Variants in FHIT observed in about 807,000 individuals in gnomAD.
FHIT encodes the protein bis(5'-adenosyl)-triphosphatase.
FHIT carries 19 observed loss-of-function variants against 17.9 expected under a neutral mutation model. The ratio of observed to expected loss-of-function variants is 1.06; its 90% CI spans 0.74 to 1.56. FHIT has a LOEUF of 1.56. FHIT is among the 40% of genes most tolerant of loss of function. The pLI, the probability that FHIT is intolerant of heterozygous loss-of-function variation, is 0.00. For synonymous variants in FHIT, 81 were observed against 69.7 expected (o/e 1.16, Z -0.81); for missense variants, 248 against 189.2 (o/e 1.31, Z -1.82).
chr3:61,251,025 G>A (rs2106971601), intron 1 of FHIT, among the ~76,000 whole-genome samples: 1 of 152,272 alleles, frequency 6.6e-6, no homozygotes, highest in South Asian at 2.1e-4. Context: ...TGGCGTCCCC[G>A]GACCCGCTGG....
chr3:60,225,229 C>T (rs143961332), intron 5 of FHIT, among the ~76,000 whole-genome samples: 1 of 152,156 alleles, frequency 6.6e-6, no homozygotes, highest in Non-Finnish European at 1.5e-5. Flanking sequence ...ATCTTTGTAT[C>T]CCTAGATACC....
At chr3:60,098,104 C>G (rs62240185) in intron 5 of FHIT, among the ~76,000 whole-genome samples, 90,757 of 142,902 alleles carry the variant, frequency 0.64, 29,671 homozygotes, top group East Asian at 0.98. Context: ...TTTTCTTAAT[C>G]CAGTCTATCC....
At chr3:61,239,366 G>A (rs2040311702) in intron 1 of FHIT, among the ~76,000 whole-genome samples, 1 of 152,034 alleles carries the variant, frequency 6.6e-6, no homozygotes, top group Admixed American at 6.6e-5. Flanking sequence ...CCCTTTGATG[G>A]TGTTAAGCTC....
rs1375888130 is a variant in FHIT at position 59,837,409 on chromosome 3, T to C, written c.348+84937A>G. 5.9e-5 allele frequency among the ~76,000 whole-genome samples: 9 copies of C among 152,316 alleles called. No individual in the cohort carries two copies. The South Asian group carries it at 1.0e-3, about 18-fold the overall frequency. On this transcript the variant is annotated intron_variant, in intron 8 of 9. Transcript: ENST00000492590. ...ATAAATGCTACGTAAATAGTTATAC[T>C]TTATTGTTTAGGGAATAATGACAAG...
chr3:60,112,860 T>C (rs1704738226), intron 5 of FHIT, among the ~76,000 whole-genome samples: 1 of 152,190 alleles, frequency 6.6e-6, no homozygotes, highest in Non-Finnish European at 1.5e-5. Flanking sequence ...ATCTCTTTCC[T>C]GGCTATGGCA....
chr3:59,820,589 G>A (rs188921263), intron 8 of FHIT, among the ~76,000 whole-genome samples: 18 of 152,198 alleles, frequency 1.2e-4, no homozygotes, highest in South Asian at 2.1e-4. Flanking sequence ...AGCAATGCTC[G>A]TTTGTTTATA....
At chr3:60,881,866 A>G (rs1423842151) in intron 3 of FHIT, among the ~76,000 whole-genome samples, 1 of 152,094 alleles carries the variant, frequency 6.6e-6, no homozygotes, top group African/African-American at 2.4e-5. Flanking sequence ...AGAACAAACC[A>G]AACCCAAAAT....
chr3:60,160,071 A>G (rs1018521336), intron 5 of FHIT, among the ~76,000 whole-genome samples: 7 of 152,138 alleles, frequency 4.6e-5, no homozygotes, highest in Non-Finnish European at 8.8e-5. Flanking sequence ...AAATTTTTAA[A>G]GTCTGTGCTG....
intron 7 of FHIT, among the ~76,000 whole-genome samples, chr3:59,944,283 T>C (rs886588561): frequency 2.6e-5 from 4 of 152,154 alleles, no homozygotes; most frequent in South Asian, 2.1e-4. Flanking sequence ...TCAATGCCAT[T>C]TTATCTCATG....
intron 7 of FHIT, among the ~76,000 whole-genome samples, chr3:59,966,162 A>G (rs1707916630): frequency 1.3e-5 from 2 of 152,222 alleles, no homozygotes; most frequent in South Asian, 4.1e-4. Flanking sequence ...AAGCAGAGGT[A>G]TTCAAACAAA....
chr3:60,680,713 G>A (rs2040727096), intron 4 of FHIT, among the ~76,000 whole-genome samples: 1 of 152,026 alleles, frequency 6.6e-6, no homozygotes, highest in Non-Finnish European at 1.5e-5. Flanking sequence ...AGATATTTTG[G>A]AAAGCAAGCT....
intron 4 of FHIT, among the ~76,000 whole-genome samples, chr3:60,565,263 C>T (rs550543089): frequency 6.6e-6 from 1 of 152,118 alleles, no homozygotes; most frequent in Admixed American, 6.6e-5. Context: ...CACTTTTTCA[C>T]AGTGGTGTGT....
At chr3:60,866,081 C>G (rs1340103327) in intron 3 of FHIT, among the ~76,000 whole-genome samples, 4 of 152,098 alleles carry the variant, frequency 2.6e-5, no homozygotes, top group African/African-American at 9.7e-5. Flanking sequence ...CCCAAAGGCT[C>G]CAAACTCCTG....
rs1291642767 is a variant in FHIT at position 60,748,832 on chromosome 3, A to AT, written c.-18+73086dup. ...TCTCAAAACAACAACAACAAAAATC[A>AT]TATCTAGATTACTTATAACACCTAA... On this transcript the variant is annotated intron_variant, in intron 4 of 9. Transcript: ENST00000492590. 3.3e-5 allele frequency among the ~76,000 whole-genome samples: 5 copies of AT among 152,274 alleles called. No homozygotes were observed. In the South Asian group the frequency reaches 6.2e-4, roughly 19 times the overall value.
At chr3:59,961,287 G>A (rs949243918) in intron 7 of FHIT, among the ~76,000 whole-genome samples, 2 of 152,056 alleles carry the variant, frequency 1.3e-5, no homozygotes, top group African/African-American at 4.8e-5. Context: ...AACTTCCAGG[G>A]ACATGTAAAT....
intron 5 of FHIT, among the ~76,000 whole-genome samples, chr3:60,087,112 C>A (rs1279818396): frequency 6.6e-6 from 1 of 152,222 alleles, no homozygotes; most frequent in Non-Finnish European, 1.5e-5. Context: ...GGCTTGCACC[C>A]TCCAGAGAAG....
chr3:60,045,518 C>T (rs1701617763), intron 5 of FHIT, among the ~76,000 whole-genome samples: 1 of 152,048 alleles, frequency 6.6e-6, no homozygotes, highest in South Asian at 2.1e-4. Context: ...CCACTGTATC[C>T]CTCCCACAAC....
intron 8 of FHIT, among the ~76,000 whole-genome samples, chr3:59,807,554 C>T (rs1700251712): frequency 6.6e-6 from 1 of 152,272 alleles, no homozygotes; most frequent in Middle Eastern, 3.4e-3. Flanking sequence ...AAAGTCAGGA[C>T]CCAGACCTTC....
intron 5 of FHIT, among the ~76,000 whole-genome samples, chr3:60,083,591 C>T (rs149170909): frequency 7.6e-4 from 115 of 152,152 alleles, no homozygotes; most frequent in Admixed American, 1.4e-3. Flanking sequence ...GCATACTGTG[C>T]GGTCTTTGAT....
Sources: gnomAD v4.1 joint callset for allele counts (sites outside exome capture counted in the v4.1 genomes callset) on GRCh38, gnomAD v4.1.1 for gene constraint, MANE v1.5 for transcripts, NCBI Gene and HGNC (gene_info 2026-07-23, HGNC 2026-07-21) for gene names.